FAM107B: variants seen among roughly 807,000 people sequenced by gnomAD.
FAM107B encodes the protein protein FAM107B.
FAM107B carries 21 observed loss-of-function variants against 31.5 expected under a neutral mutation model. The ratio of observed to expected loss-of-function variants is 0.67; its 90% CI spans 0.47 to 0.96. FAM107B has a LOEUF of 0.96. FAM107B is among the 40% of genes least tolerant of loss of function. The pLI, the probability that FAM107B is intolerant of heterozygous loss-of-function variation, is 0.00. For missense variants in FAM107B, 452 were observed against 377.1 expected (o/e 1.20, Z -1.64); for synonymous variants, 157 against 141.5 (o/e 1.11, Z -0.78).
At chr10:14,522,121 A>G in intron 3 of FAM107B, 102 bp from the exon 4 acceptor site, 3 of 1,444,152 alleles carry the variant, frequency 2.1e-6, no homozygotes, top group Non-Finnish European at 2.8e-6. Context: ...AAAGTGGTCT[A>G]CAAAATTAGT....
At chr10:14,596,963 A>G (rs1852208389) in intron 2 of FAM107B, among the ~76,000 whole-genome samples, 1 of 152,334 alleles carries the variant, frequency 6.6e-6, no homozygotes, top group South Asian at 2.1e-4. Context: ...AAATAATGAC[A>G]TGCTCAAAAG....
At chr10:14,751,818 A>C (rs1418319911) in intron 1 of FAM107B, among the ~76,000 whole-genome samples, 1 of 151,470 alleles carries the variant, frequency 6.6e-6, no homozygotes, top group African/African-American at 2.4e-5. Flanking sequence ...TGCTGAGAGA[A>C]GGTTGTAACG....
chr10:14,746,977 G>T (rs1342943363), intron 1 of FAM107B, among the ~76,000 whole-genome samples: 4 of 152,096 alleles, frequency 2.6e-5, no homozygotes, highest in African/African-American at 9.7e-5. Flanking sequence ...ATTCTTGGAG[G>T]TGTTGTTCAT....
At chr10:14,673,891 C>G (rs1052287448) in intron 1 of FAM107B, among the ~76,000 whole-genome samples, 7 of 152,038 alleles carry the variant, frequency 4.6e-5, no homozygotes, top group Non-Finnish European at 7.4e-5. Flanking sequence ...TTTTAATATA[C>G]TTGGCTATTT....
intron 1 of FAM107B, among the ~76,000 whole-genome samples, chr10:14,740,588 T>C (rs1856413094): frequency 6.6e-6 from 1 of 152,192 alleles, no homozygotes; most frequent in Admixed American, 6.5e-5. Flanking sequence ...CTAACCCTAA[T>C]GCGTATATGG....
chr10:14,560,819 G>T (rs767978764), intron 2 of FAM107B, among the ~76,000 whole-genome samples: 2 of 152,134 alleles, frequency 1.3e-5, no homozygotes, highest in African/African-American at 4.8e-5. Context: ...CCAAAGCCCC[G>T]ATGTTTACAT....
intron 2 of FAM107B, among the ~76,000 whole-genome samples, chr10:14,642,387 C>T (rs1228871609): frequency 2.0e-5 from 3 of 152,200 alleles, no homozygotes; most frequent in African/African-American, 4.8e-5. Context: ...GAAACCAAGG[C>T]TCTGGGCCTG....
chr10:14,523,707 A>C (rs1211435081), intron 3 of FAM107B, among the ~76,000 whole-genome samples: 2 of 152,200 alleles, frequency 1.3e-5, no homozygotes, highest in Non-Finnish European at 2.9e-5. Context: ...ATCCCTTTAA[A>C]GTCCACACAA....
At chr10:14,700,475 G>A (rs558157072) in intron 1 of FAM107B, among the ~76,000 whole-genome samples, 3 of 152,076 alleles carry the variant, frequency 2.0e-5, no homozygotes, top group South Asian at 2.1e-4. Context: ...TGCTCGCATC[G>A]AATTTAACGC....
intron 1 of FAM107B, among the ~76,000 whole-genome samples, chr10:14,755,389 A>G (rs1264607607): frequency 6.6e-6 from 1 of 152,018 alleles, no homozygotes; most frequent in East Asian, 1.9e-4. Flanking sequence ...AAAAATACAA[A>G]AATTAGCTGG....
intron 1 of FAM107B, among the ~76,000 whole-genome samples, chr10:14,672,675 T>C (rs1387538926): frequency 1.3e-5 from 2 of 152,184 alleles, no homozygotes. Flanking sequence ...CCAAGATGCC[T>C]CATTGAAAGG....
intron 2 of FAM107B, among the ~76,000 whole-genome samples, chr10:14,648,166 C>G (rs563839325): frequency 1.4e-4 from 22 of 152,280 alleles, no homozygotes; most frequent in African/African-American, 4.1e-4. Flanking sequence ...AAGGAAGTGT[C>G]ATCTGAGGTA....
chr10:14,549,417 GAAGTT>G (rs1849048660), intron 2 of FAM107B, among the ~76,000 whole-genome samples: 3 of 152,240 alleles, frequency 2.0e-5, no homozygotes, highest in Admixed American at 2.0e-4. Flanking sequence ...AAAGATGAGA[GAAGTT>G]TAGGCCTTTT....
At chr10:14,735,081 G>A (rs1856268068) in intron 1 of FAM107B, among the ~76,000 whole-genome samples, 1 of 152,134 alleles carries the variant, frequency 6.6e-6, no homozygotes, top group South Asian at 2.1e-4. Flanking sequence ...GCAAAACTAG[G>A]TCATAATTCG....
chr10:14,753,384 C>A (rs536616439), intron 1 of FAM107B, among the ~76,000 whole-genome samples: 1 of 152,332 alleles, frequency 6.6e-6, no homozygotes, highest in East Asian at 1.9e-4. Flanking sequence ...TACATCAAAG[C>A]CGTGAAGATT....
Position 14,671,462 on chromosome 10 carries a change from G to A in FAM107B, c.412-3771C>T, listed in dbSNP as rs1249181411. 2.0e-5 allele frequency among the ~76,000 whole-genome samples: 3 copies of A among 152,116 alleles called. No homozygotes were observed. In the East Asian group the frequency reaches 5.8e-4, roughly 29 times the overall value. On this transcript the variant is annotated intron_variant, in intron 1 of 4. Coordinates refer to ENST00000181796, the MANE Select transcript of FAM107B (RefSeq NM_031453.4). ...CAGGTTACACACAGGAAGAGGAGGG[G>A]CCAGGCTCCTCCCTGATGCAAATGG...
At chr10:14,614,636 GCACTC>G (rs1421416803) in intron 2 of FAM107B, among the ~76,000 whole-genome samples, 2 of 147,844 alleles carry the variant, frequency 1.4e-5, no homozygotes, top group Non-Finnish European at 3.0e-5. Context: ...TCGTGCCATT[GCACTC>G]CAGCCTGGGT....
intron 1 of FAM107B, among the ~76,000 whole-genome samples, chr10:14,753,648 G>T (rs1832872709): frequency 6.6e-6 from 1 of 152,168 alleles, no homozygotes; most frequent in Non-Finnish European, 1.5e-5. Context: ...GGAAAGGAAT[G>T]AAATAAAAAG....
At chr10:14,745,430 A>G (rs58377378) in intron 1 of FAM107B, among the ~76,000 whole-genome samples, 384 of 152,062 alleles carry the variant, frequency 2.5e-3, no homozygotes, top group African/African-American at 8.7e-3. Context: ...TTTTTGATGT[A>G]GGCATTTAGT....
Sources: allele counts gnomAD v4.1 joint callset (sites outside exome capture counted in the v4.1 genomes callset), GRCh38; gene constraint gnomAD v4.1.1; transcripts MANE v1.5; gene names NCBI Gene and HGNC (gene_info 2026-07-23, HGNC 2026-07-21).